STK32C: variants seen among roughly 807,000 people sequenced by gnomAD.
STK32C encodes the protein serine/threonine-protein kinase 32C.
A neutral mutation model predicts 56.5 loss-of-function variants in STK32C; 31 were observed. That is an observed-to-expected ratio of 0.55 (90% CI 0.41 to 0.74). The LOEUF is 0.74. Among genes scored for constraint, STK32C ranks in the 30% least tolerant of loss-of-function variants. STK32C has a pLI of 0.00. For synonymous variants in STK32C, 309 were observed against 289.4 expected (o/e 1.07, Z -0.69); for missense variants, 544 against 676.9 (o/e 0.80, Z 2.18).
In STK32C at chr10:132,282,032, G is replaced by A. The variant is rs540268038; in HGVS notation, c.262+25540C>T. On this transcript the variant is annotated intron_variant, in intron 1 of 11. Transcript: ENST00000298630. ...CAGAGGGAGGCGCCTCCCTGATCCC[G>A]GCCTGGAGGCAGAGCCGCCAGCTGG... Among the ~76,000 whole-genome samples the A allele has an allele frequency of 2.3e-4, 35 of 152,342 alleles. No individual in the cohort carries two copies. The South Asian group carries it at 6.4e-3, about 28-fold the overall frequency.
At chr10:132,287,267 C>T (rs1317775493) in intron 1 of STK32C, among the ~76,000 whole-genome samples, 2 of 151,852 alleles carry the variant, frequency 1.3e-5, no homozygotes, top group African/African-American at 2.4e-5. Context: ...CCAAGGGAGG[C>T]GGATCACTAG....
rs183630094 is a variant in STK32C at position 132,267,642 on chromosome 10, C to T, written c.263-21687G>A. Among the ~76,000 whole-genome samples the T allele has an allele frequency of 2.1e-3, 289 of 139,676 alleles. 2 individuals carry two copies. The highest frequency in any genetic ancestry group is 3.3e-3 in the Admixed American group (47 of 14,126). 91.6% of individuals were successfully genotyped at this position (139,676 alleles called of 152,430 possible). On this transcript the variant is annotated intron_variant, in intron 1 of 11. Coordinates refer to ENST00000298630, the MANE Select transcript of STK32C (RefSeq NM_173575.4). The stretch of plus-strand genomic sequence containing the variant: ...AGCTCTATGCCTGTCTGTGTGCATG[C>T]ATGTCCCACATCATGTGTGTGTGTG...
chr10:132,252,034 C>A (rs111826951), intron 1 of STK32C, among the ~76,000 whole-genome samples: 4 of 152,212 alleles, frequency 2.6e-5, no homozygotes, highest in East Asian at 1.9e-4. Context: ...CTGGGGCCTC[C>A]GACCCACGCC....
chr10:132,302,466 T>TG (rs1243713047), intron 1 of STK32C, among the ~76,000 whole-genome samples: 1 of 152,128 alleles, frequency 6.6e-6, no homozygotes, highest in Non-Finnish European at 1.5e-5. Flanking sequence ...CACCCGGTGC[T>TG]GGGCCCAGAA....
chr10:132,231,582 C>T (rs1312522952), intron 2 of STK32C, among the ~76,000 whole-genome samples: 2 of 152,188 alleles, frequency 1.3e-5, no homozygotes, highest in Non-Finnish European at 2.9e-5. Context: ...GAGTGCGTCC[C>T]CAAAAGACAC....
chr10:132,319,402 T>G (rs1240540264), downstream of STK32C, among the ~76,000 whole-genome samples: 1 of 152,236 alleles, frequency 6.6e-6, no homozygotes. Flanking sequence ...CAGCATGATT[T>G]CATAGCCCCA....
At chr10:132,210,738 G>A (rs1274077697) in intron 10 of STK32C, among the ~76,000 whole-genome samples, 1 of 152,340 alleles carries the variant, frequency 6.6e-6, no homozygotes, top group South Asian at 2.1e-4. Context: ...CTCTTCCCAC[G>A]AGGAAGGAAG....
At chr10:132,321,095 G>A (rs893671978), downstream of STK32C, among the ~76,000 whole-genome samples, 6 of 152,306 alleles carry the variant, frequency 3.9e-5, no homozygotes, top group South Asian at 4.1e-4. Flanking sequence ...GATGGAACAC[G>A]GTGAGGCCTG....
chr10:132,276,727 C>T (rs11812228), intron 1 of STK32C, among the ~76,000 whole-genome samples: 11,951 of 151,910 alleles, frequency 0.079, 743 homozygotes, highest in African/African-American at 0.17. Flanking sequence ...CTCAAAGCTT[C>T]AGTGAGCTAT....
At chr10:132,259,361 CCA>C (rs1391779228) in intron 1 of STK32C, among the ~76,000 whole-genome samples, 25 of 152,214 alleles carry the variant, frequency 1.6e-4, no homozygotes, top group Admixed American at 3.9e-4. Flanking sequence ...ATTGTCATCC[CCA>C]GTGTTGGAGG....
intron 1 of STK32C, among the ~76,000 whole-genome samples, chr10:132,261,280 T>C (rs545313804): frequency 4.9e-4 from 75 of 152,230 alleles, no homozygotes; most frequent in Middle Eastern, 6.8e-3. Flanking sequence ...ACGACCTCAG[T>C]AAAGTTTCAG....
At chr10:132,331,943 G>A (rs1163019656), upstream of STK32C, 180 of 446,800 alleles carry the variant, frequency 4.0e-4, no homozygotes, top group African/African-American at 8.5e-3. Flanking sequence ...GCAACCCCCC[G>A]CCCCAGCGCA....
At chr10:132,309,577 A>G (rs1706290840), upstream of STK32C, among the ~76,000 whole-genome samples, 1 of 152,194 alleles carries the variant, frequency 6.6e-6, no homozygotes, top group African/African-American at 2.4e-5. Flanking sequence ...TGCAGCTGCG[A>G]AGCTCTGTTC....
At chr10:132,239,724 C>T (rs1024889550) in intron 2 of STK32C, among the ~76,000 whole-genome samples, 4 of 152,234 alleles carry the variant, frequency 2.6e-5, no homozygotes, top group African/African-American at 9.6e-5. Context: ...ACATCGTCAA[C>T]TTTTAGCGGC....
intron 2 of STK32C, among the ~76,000 whole-genome samples, chr10:132,240,144 C>G (rs2063450949): frequency 1.3e-5 from 2 of 152,122 alleles, no homozygotes. Context: ...CTGACTCAAG[C>G]CGCCTGGGTG....
intron 1 of STK32C, among the ~76,000 whole-genome samples, chr10:132,266,204 T>G (rs2064518344): frequency 6.6e-6 from 1 of 152,226 alleles, no homozygotes; most frequent in South Asian, 2.1e-4. Context: ...TCAAAGGTGT[T>G]ACATTGAGGG....
At chr10:132,241,879 G>C (rs1057431031) in intron 2 of STK32C, among the ~76,000 whole-genome samples, 1 of 152,142 alleles carries the variant, frequency 6.6e-6, no homozygotes, top group African/African-American at 2.4e-5. Context: ...GGCTGAGGTG[G>C]GCAGATCTCT....
intron 1 of STK32C, among the ~76,000 whole-genome samples, chr10:132,253,797 G>A (rs2064007710): frequency 2.0e-5 from 3 of 152,334 alleles, no homozygotes; most frequent in African/African-American, 7.2e-5. Context: ...CAAGTCCAAG[G>A]CAAAAGCGTT....
At chr10:132,263,067 T>C (rs2064357982) in intron 1 of STK32C, among the ~76,000 whole-genome samples, 1 of 152,224 alleles carries the variant, frequency 6.6e-6, no homozygotes, top group Non-Finnish European at 1.5e-5. Flanking sequence ...GAACTACCAT[T>C]TGATCCAGCA....
Sources: gnomAD v4.1 joint callset for allele counts (sites outside exome capture counted in the v4.1 genomes callset) on GRCh38, gnomAD v4.1.1 for gene constraint, MANE v1.5 for transcripts, NCBI Gene and HGNC (gene_info 2026-07-23, HGNC 2026-07-21) for gene names.